The following CDH18 variants were observed in gnomAD, a reference collection of about 807,000 sequenced individuals.
The protein encoded by CDH18 is cadherin 18, also known as cadherin-18.
A neutral mutation model predicts 67.9 loss-of-function variants in CDH18; 31 were observed. The observed-to-expected ratio is 0.46, with a 90% CI of 0.34 to 0.62. The LOEUF is 0.62. Among genes scored for constraint, CDH18 ranks in the 20% least tolerant of loss-of-function variants. The probability of loss-of-function intolerance (pLI) is 0.01; values close to 1 mark genes in which losing one functional copy is unlikely to be tolerated. For synonymous variants in CDH18, 362 were observed against 347.2 expected (o/e 1.04, Z -0.48); for missense variants, 890 against 975.5 (o/e 0.91, Z 1.17).
At chr5:20,375,087 G>T (rs2150090401) in intron 1 of CDH18, among the ~76,000 whole-genome samples, 1 of 152,230 alleles carries the variant, frequency 6.6e-6, no homozygotes, top group Non-Finnish European at 1.5e-5. Flanking sequence ...CATGTCAAAT[G>T]TCTCACTTTG....
intron 1 of CDH18, among the ~76,000 whole-genome samples, chr5:20,559,725 ATAAAAATC>A (rs889784133): frequency 1.3e-5 from 2 of 152,154 alleles, no homozygotes; most frequent in Admixed American, 6.6e-5. Flanking sequence ...ACCTGATCAT[ATAAAAATC>A]AAGAAATCAC....
At chr5:20,569,712 A>G (rs74819567) in intron 1 of CDH18, among the ~76,000 whole-genome samples, 138 of 152,306 alleles carry the variant, frequency 9.1e-4, no homozygotes, top group African/African-American at 3.2e-3. Context: ...ACATATACAC[A>G]AAAGACTGAA....
intron 2 of CDH18, among the ~76,000 whole-genome samples, chr5:19,998,666 T>C (rs1307463943): frequency 6.6e-6 from 1 of 152,114 alleles, no homozygotes; most frequent in Non-Finnish European, 1.5e-5. Context: ...CCCTAAACAG[T>C]ATTAGTATTG....
intron 2 of CDH18, among the ~76,000 whole-genome samples, chr5:20,158,111 T>C (rs2126599993): frequency 6.6e-6 from 1 of 152,328 alleles, no homozygotes; most frequent in Middle Eastern, 3.4e-3. Flanking sequence ...ATGCTGAATA[T>C]GTAATACGGT....
intron 2 of CDH18, among the ~76,000 whole-genome samples, chr5:20,237,323 C>A (rs1400863492): frequency 1.3e-5 from 2 of 151,508 alleles, no homozygotes; most frequent in Admixed American, 6.6e-5. Context: ...GGGTTTCTTG[C>A]CCATTAAATA....
At chr5:20,401,661 T>C (rs1170151362) in intron 1 of CDH18, among the ~76,000 whole-genome samples, 1 of 152,172 alleles carries the variant, frequency 6.6e-6, no homozygotes, top group Admixed American at 6.5e-5. Context: ...TTTCTTTTCG[T>C]CTTTCCCCAC....
intron 1 of CDH18, among the ~76,000 whole-genome samples, chr5:20,544,196 G>C (rs1757210114): frequency 7.3e-6 from 1 of 137,752 alleles, no homozygotes; most frequent in Non-Finnish European, 1.6e-5. Flanking sequence ...AAAATTTCGA[G>C]AGACATTACA....
chr5:19,477,389 A>T (rs1401081083), intron 12 of CDH18, among the ~76,000 whole-genome samples: 2 of 151,500 alleles, frequency 1.3e-5, no homozygotes, highest in Non-Finnish European at 2.9e-5. Context: ...AACAATTATC[A>T]TGTGGACAAA....
intron 5 of CDH18, among the ~76,000 whole-genome samples, chr5:19,709,419 T>C (rs1764410924): frequency 6.6e-6 from 1 of 151,990 alleles, no homozygotes; most frequent in African/African-American, 2.4e-5. Context: ...ATACAAAAAT[T>C]AGCTGTGTTC....
chr5:20,415,015 A>G (rs976861208), intron 1 of CDH18, among the ~76,000 whole-genome samples: 1 of 152,242 alleles, frequency 6.6e-6, no homozygotes, highest in Non-Finnish European at 1.5e-5. Context: ...AGATTGGTAT[A>G]TCCAAAAGAT....
chr5:20,541,435 GTATTTATAGT>G (rs1407423606), intron 1 of CDH18, among the ~76,000 whole-genome samples: 1 of 152,068 alleles, frequency 6.6e-6, no homozygotes, highest in African/African-American at 2.4e-5. Flanking sequence ...TTAAATAAAT[GTATTTATAGT>G]TTTACCTTTT....
At chr5:20,330,880 C>T (rs1028988211) in intron 1 of CDH18, among the ~76,000 whole-genome samples, 3 of 152,256 alleles carry the variant, frequency 2.0e-5, no homozygotes, top group African/African-American at 7.2e-5. Context: ...TTTTAATAAA[C>T]TTTCACTCGT....
intron 4 of CDH18, among the ~76,000 whole-genome samples, chr5:19,735,120 C>T (rs1480606019): frequency 5.3e-5 from 8 of 151,988 alleles, no homozygotes; most frequent in Admixed American, 5.2e-4. Context: ...ATATTATTGG[C>T]TCACTACATT....
At chr5:20,371,825 C>A (rs769480040) in intron 1 of CDH18, among the ~76,000 whole-genome samples, 1 of 152,104 alleles carries the variant, frequency 6.6e-6, no homozygotes, top group Non-Finnish European at 1.5e-5. Flanking sequence ...AGAAATTCTA[C>A]CTCCTGAGTA....
intron 2 of CDH18, among the ~76,000 whole-genome samples, chr5:20,095,441 A>AAG (rs1313515846): frequency 6.9e-6 from 1 of 145,486 alleles, no homozygotes; most frequent in African/African-American, 2.6e-5. Flanking sequence ...GAAAGAAAGA[A>AAG]AGAAAAGAAA....
At chr5:20,372,839 A>G (rs58479885) in intron 1 of CDH18, among the ~76,000 whole-genome samples, 2 of 150,608 alleles carry the variant, frequency 1.3e-5, no homozygotes, top group Non-Finnish European at 3.0e-5. Flanking sequence ...GATATTTTTT[A>G]TTTTTTTTTC....
chr5:19,804,369 G>A (rs1329920117), intron 3 of CDH18, among the ~76,000 whole-genome samples: 1 of 151,846 alleles, frequency 6.6e-6, no homozygotes, highest in African/African-American at 2.4e-5. Flanking sequence ...CAACTATTGG[G>A]CACTTAACAT....
intron 1 of CDH18, among the ~76,000 whole-genome samples, chr5:20,340,645 A>G (rs1295070320): frequency 6.6e-6 from 1 of 152,082 alleles, no homozygotes; most frequent in African/African-American, 2.4e-5. Flanking sequence ...GCTCAACTCC[A>G]CAGCTCCAAT....
chr5:19,683,289 T>A (rs1477290489), intron 5 of CDH18, among the ~76,000 whole-genome samples: 1 of 152,118 alleles, frequency 6.6e-6, no homozygotes, highest in African/African-American at 2.4e-5. Flanking sequence ...ACTGTAGTAT[T>A]TTAATAGTTT....
Sources: gnomAD v4.1 joint callset for allele counts (sites outside exome capture counted in the v4.1 genomes callset) on GRCh38, gnomAD v4.1.1 for gene constraint, MANE v1.5 for transcripts, NCBI Gene and HGNC (gene_info 2026-07-23, HGNC 2026-07-21) for gene names.